Variants in SPEN observed in about 807,000 individuals in gnomAD.
The protein encoded by SPEN is msx2-interacting protein.
A neutral mutation model predicts 269.9 loss-of-function variants in SPEN; 18 were observed. The ratio of observed to expected loss-of-function variants is 0.07; its 90% confidence interval spans 0.05 to 0.10. The LOEUF is 0.10. Among genes scored for constraint, SPEN ranks in the 10% least tolerant of loss-of-function variants. The pLI, the probability that SPEN is intolerant of heterozygous loss-of-function variation, is 1.00. For missense variants in SPEN, 3,822 were observed against 4,631.2 expected (o/e 0.83, Z 5.07); for synonymous variants, 1,726 against 1,765.7 (o/e 0.98, Z 0.56).
chr1:15,861,991 G>C (rs2070453259), intron 1 of SPEN, among the ~76,000 whole-genome samples: 1 of 152,190 alleles, frequency 6.6e-6, no homozygotes, highest in Non-Finnish European at 1.5e-5. Flanking sequence ...GCAGTGAGCT[G>C]AGATTGCGCC....
intron 3 of SPEN, among the ~76,000 whole-genome samples, chr1:15,894,533 G>GTGGTTTTTTTT (rs1557746623): frequency 1.5e-5 from 2 of 136,014 alleles, no homozygotes; most frequent in African/African-American, 5.9e-5. Context: ...CCATATTATG[G>GTGGTTTTTTTT]TTGTTTTTTT....
chr1:15,847,942 C>T lies in SPEN; in HGVS notation c.-126C>T. 2.4e-6 allele frequency: 1 copy of T among 411,396 alleles called. No individual in the cohort carries two copies. Among genetic ancestry groups the T allele is most frequent in the East Asian group, 4.7e-5 (1 of 21,432 alleles). The allele number at this position is 411,396 out of a possible 1,614,324, so 25.5% of individuals were successfully genotyped here. On this transcript the variant is annotated 5_prime_UTR_variant, in exon 1 of 15. Transcript: ENST00000375759. The stretch of plus-strand genomic sequence containing the variant: ...GGGGGGGAGCCGGAGGAGCCGCCGC[C>T]GCTGCCGACGCCACCGCCGCAGCCG...
chr1:15,917,198 A>G (rs2071074733), intron 6 of SPEN, among the ~76,000 whole-genome samples: 1 of 152,202 alleles, frequency 6.6e-6, no homozygotes. Flanking sequence ...TACCTTGGGG[A>G]TTACTAGAAT....
In SPEN at chr1:15,928,631, T is replaced by A; in HGVS notation, c.2391T>A (p.Phe797Leu). ...AAAAGACAGATAAAGAACGAACTTT[T>A]GATCCGGAGAGAGTGGAGAGAGAGA... ...KNEKTDKERT[F>L]DPERVERERR... The change falls in exon 11 of 15, where the codon TTT becomes TTA. Residue 797 changes from phenylalanine (F) to leucine (L), a missense_variant. Physicochemically the swap from Phe to Leu is conservative, Grantham distance 22. Transcript: ENST00000375759. This position sits in a 1 kb window ranked among gnomAD's most constrained non-coding sequence, Gnocchi z 5.7. 6.2e-7 allele frequency: 1 copy of A among 1,613,976 alleles called. No homozygotes were observed. The highest frequency in any genetic ancestry group is 2.2e-5 in the East Asian group (1 of 44,876).
intron 2 of SPEN, chr1:15,874,261 A>G (rs1557739218): frequency 7.3e-7 from 1 of 1,366,498 alleles, no homozygotes; most frequent in East Asian, 4.5e-5. Context: ...GTTCATCTAA[A>G]TATCATTTGA....
chr1:15,909,327 T>G lies in SPEN; in HGVS notation c.888T>G (p.Asp296Glu). The G allele has an allele frequency of 1.2e-6, 2 of 1,609,364 alleles. No homozygotes were observed. The highest frequency in any genetic ancestry group is 1.7e-6 in the Non-Finnish European group (2 of 1,178,550). ...SSSSTSSDSS[D>E]SSSSSSDDSP... is the part of the protein sequence containing the mutation. ...TGTTGTTGCCTTTTTGCAGCAGTGATTCCAGCAGTAGTTCAAGTGATGATT... is the reference window on the plus strand; with the variant it reads ...TGTTGTTGCCTTTTTGCAGCAGTGAGTCCAGCAGTAGTTCAAGTGATGATT... The change falls in exon 4 of 15, where the codon GAT (aspartate) becomes GAG (glutamate). Residue 296 changes from aspartate (D) to glutamate (E), a missense_variant. Asp to Glu is a conservative substitution (Grantham distance 45, BLOSUM62 2). This residue lies in a region of SPEN where 327 missense variants were observed against 350.8 expected (regional missense o/e 0.93). Coordinates refer to ENST00000375759, the MANE Select transcript of SPEN (RefSeq NM_015001.3).
intron 1 of SPEN, among the ~76,000 whole-genome samples, chr1:15,859,088 T>C (rs2070415356): frequency 6.6e-6 from 1 of 152,108 alleles, no homozygotes; most frequent in African/African-American, 2.4e-5. Flanking sequence ...TAATTAGTAT[T>C]TTTAAAGTTT....
In SPEN at chr1:15,933,557, G is replaced by A. The variant is rs764115695; in HGVS notation, c.7317G>A (p.Pro2439=). The A allele has an allele frequency of 1.2e-6, 2 of 1,613,882 alleles. No individual in the cohort carries two copies. Among genetic ancestry groups the A allele is most frequent in the Middle Eastern group, 1.6e-4 (1 of 6,062 alleles). Residue 2439 remains proline, a synonymous_variant, in exon 11 of 15, where the codon CCG becomes CCA. Coordinates refer to ENST00000375759, the MANE Select transcript of SPEN (RefSeq NM_015001.3). This position sits in a 1 kb window ranked among gnomAD's most constrained non-coding sequence, Gnocchi z 5.7. ...PDLPPPPQPA[P]VDEEPQARFR... The stretch of plus-strand genomic sequence containing the variant: ...TTCCCCCACCTCCCCAGCCAGCACC[G>A]GTGGATGAGGAGCCTCAAGCCAGGT...
At chr1:15,880,219 A>T (rs558150745) in intron 3 of SPEN, among the ~76,000 whole-genome samples, 3 of 151,962 alleles carry the variant, frequency 2.0e-5, no homozygotes, top group East Asian at 1.9e-4. Flanking sequence ...CCACTGTCTT[A>T]TGTCTGTGTA....
In SPEN at chr1:15,938,766, C is replaced by G. The variant is rs374588734; in HGVS notation, c.10753C>G (p.Gln3585Glu). 3 of 1,613,842 alleles carry G rather than the reference C, an allele frequency of 1.9e-6. No homozygotes were observed. The highest frequency in any genetic ancestry group is 2.5e-6 in the Non-Finnish European group (3 of 1,180,018). The change falls in exon 14 of 15, where the codon CAA (glutamine) becomes GAA (glutamate). Residue 3585 changes from glutamine to glutamate, a missense_variant. Coordinates refer to ENST00000375759, the MANE Select transcript of SPEN (RefSeq NM_015001.3). The stretch of plus-strand genomic sequence containing the variant: ...GCTGGCTCTGCCCTGTGGCCGTGAC[C>G]AAGAGGATGTTGTGAGCCAGACCGA... ...LLLALPCGRD[Q>E]EDVVSQTESL...
chr1:15,897,554 T>C (rs1354782544), intron 3 of SPEN, among the ~76,000 whole-genome samples: 1 of 151,712 alleles, frequency 6.6e-6, no homozygotes, highest in Non-Finnish European at 1.5e-5. Context: ...AGAGGCGGAG[T>C]TTCTCCAAGT....
chr1:15,897,689 G>A (rs2070856261), intron 3 of SPEN, among the ~76,000 whole-genome samples: 1 of 151,694 alleles, frequency 6.6e-6, no homozygotes, highest in African/African-American at 2.4e-5. Flanking sequence ...AGTAGAGATG[G>A]AGTTTCACCA....
In SPEN at chr1:15,932,282, C is replaced by T. The variant is rs1358251147; in HGVS notation, c.6042C>T (p.Thr2014=). 1 of 1,607,854 alleles carries T rather than the reference C, an allele frequency of 6.2e-7. No individual in the cohort carries two copies. Among genetic ancestry groups the T allele is most frequent in the East Asian group, 2.2e-5 (1 of 44,820 alleles). ...TGGATGCTACACGTCCTGAGGCCAC[C>T]ACTGAGGTGGGCCCCCAAATAGGCG... ...PKVDATRPEA[T]TEVGPQIGVK... is the part of the protein sequence containing the mutation. The change falls in exon 11 of 15, where the codon ACC becomes ACT. Residue 2014 remains threonine, a synonymous_variant. Transcript: ENST00000375759. This position sits in a 1 kb window ranked among gnomAD's most constrained non-coding sequence, Gnocchi z 4.2.
chr1:15,865,597 G>C (rs2070498231), intron 1 of SPEN, among the ~76,000 whole-genome samples: 1 of 150,582 alleles, frequency 6.6e-6, no homozygotes, highest in Admixed American at 6.6e-5. Context: ...TAATTTTTTT[G>C]TATTTTAGTA....
At chr1:15,924,619 C>T (rs1386352771) in intron 10 of SPEN, among the ~76,000 whole-genome samples, 6 of 152,140 alleles carry the variant, frequency 3.9e-5, no homozygotes, top group African/African-American at 1.4e-4. Flanking sequence ...CACCACCAGG[C>T]CTGGCTAATT....
At chr1:15,938,130 A>AAC in intron 13 of SPEN, 124 bp downstream of exon 13, 1 of 916,372 alleles carries the variant, frequency 1.1e-6, no homozygotes, top group Non-Finnish European at 1.6e-6. Context: ...TTGTTGTTGA[A>AAC]ACAGTCTCTG....
chr1:15,852,709 C>G (rs1224833952), intron 1 of SPEN, among the ~76,000 whole-genome samples: 6 of 152,086 alleles, frequency 3.9e-5, no homozygotes, highest in Non-Finnish European at 2.9e-5. Context: ...ATTTTAAATC[C>G]TGTAAACACT....
chr1:15,922,596 G>A (rs919313298), intron 10 of SPEN, among the ~76,000 whole-genome samples: 4 of 152,010 alleles, frequency 2.6e-5, no homozygotes, highest in Non-Finnish European at 5.9e-5. Context: ...GAACTTGAAA[G>A]AGTTACTGTT....
At chr1:15,910,124 TAAAAAAAAAAA>T (rs57198076) in intron 4 of SPEN, among the ~76,000 whole-genome samples, 55 of 65,706 alleles carry the variant, frequency 8.4e-4, no homozygotes, top group Admixed American at 2.0e-3. Flanking sequence ...ACTCTGTCTC[TAAAAAAAAAAA>T]AAAAAAAAAA....
Sources: gnomAD v4.1 joint callset for allele counts (sites outside exome capture counted in the v4.1 genomes callset) on GRCh38, gnomAD v4.1.1 for gene constraint, gnomAD v4.1.1 regional missense constraint, Gnocchi (gnomAD v3.1) non-coding constraint, MANE v1.5 for transcripts, NCBI Gene and HGNC (gene_info 2026-07-23, HGNC 2026-07-21) for gene names.